Variants in AMMECR1 observed in about 807,000 individuals in gnomAD.
The protein encoded by AMMECR1 is nuclear protein AMMECR1.
A neutral mutation model predicts 22.5 loss-of-function variants in AMMECR1; 3 were observed. The observed-to-expected ratio is 0.13, with a 90% CI of 0.06 to 0.35. The LOEUF is 0.35. AMMECR1 is among the 10% of genes least tolerant of loss of function. The probability of loss-of-function intolerance (pLI) is 1.00; values close to 1 mark genes in which losing one functional copy is unlikely to be tolerated. For missense variants in AMMECR1, 235 were observed against 278.7 expected, an observed-to-expected ratio of 0.84 and a Z score of 1.12; for synonymous variants, 130 against 116.7, an observed-to-expected ratio of 1.11 and a Z score of -0.74.
At position 110,317,627 on chromosome X, in the gene AMMECR1, G is replaced by C; in HGVS notation, c.445C>G (p.Arg149Gly). Residue 149 changes from arginine (R) to glycine (G), a missense_variant, in exon 1 of 6, where the codon CGG becomes GGG. By Grantham distance (125) the Arg-to-Gly change is moderately radical (BLOSUM62 -2). This residue lies in a region of AMMECR1 where 111 missense variants were observed against 181.7 expected (regional missense o/e 0.61). Transcript: ENST00000262844. ...GGCTCGTTGGTGAATCGGGGGGTCC[G>C]GGGCTGCTGGTATCCATACAGGTGA... ...YCHLYGYQQP[R>G]TPRFTNEPYP... 1 of 1,198,092 alleles carries C rather than the reference G, an allele frequency of 8.3e-7. No individual in the cohort carries two copies. Among genetic ancestry groups the C allele is most frequent in the Non-Finnish European group, 1.1e-6 (1 of 887,780 alleles).
At chrX:110,252,353 C>A (rs1259836685) in intron 2 of AMMECR1, among the ~76,000 whole-genome samples, 1 of 111,101 alleles carries the variant, frequency 9.0e-6, no homozygotes, top group Non-Finnish European at 1.9e-5. Flanking sequence ...GAAGCAGAGG[C>A]TGGAGGATTG....
intron 2 of AMMECR1, among the ~76,000 whole-genome samples, chrX:110,218,310 A>ATTT (rs2067484319): frequency 9.0e-6 from 1 of 111,702 alleles, no homozygotes; most frequent in Non-Finnish European, 1.9e-5. Context: ...AGAGTAAAAG[A>ATTT]CACATCATTC....
rs2067363738 is a variant in AMMECR1, at chrX:110,195,100, A to C, written c.*3420T>G. The C allele has an allele frequency of 8.9e-6, 1 of 112,320 alleles. No individual in the cohort carries two copies. Among genetic ancestry groups the C allele is most frequent in the African/African-American group, 3.2e-5 (1 of 30,899 alleles). The allele number at this position is 112,320 out of a possible 1,213,427, so 9.3% of individuals were successfully genotyped here. A position where few individuals can be genotyped will look rare whatever the true frequency, so the allele number is the denominator to read the frequency against. On this transcript the variant is annotated 3_prime_UTR_variant, in exon 6 of 6. Transcript: ENST00000262844. ...GCTGGGGGCTTCTTTGGTTTGATCT[A>C]ACACACATAAGAGATGGAACCTATT...
chrX:110,262,081 G>A lies in AMMECR1; in HGVS notation c.584+2408C>T, dbSNP rs917740990. ...AAAAATAATCATAATAACATAATACGTAAAAATGATAAGCACACTACTGAA... is the reference window on the plus strand; with the variant it reads ...AAAAATAATCATAATAACATAATACATAAAAATGATAAGCACACTACTGAA... On this transcript the variant is annotated intron_variant, in intron 2 of 5. Coordinates refer to ENST00000262844, the MANE Select transcript of AMMECR1 (RefSeq NM_015365.3). Among the ~76,000 whole-genome samples, 23 of 111,564 alleles carry A rather than the reference G, an allele frequency of 2.1e-4. 1 individual carries two copies. Among genetic ancestry groups the A allele is most frequent in the Admixed American group, 8.5e-4 (9 of 10,550 alleles).
chrX:110,404,907 A>G (rs1300381325), intron 2 of AMMECR1, among the ~76,000 whole-genome samples: 2 of 111,970 alleles, frequency 1.8e-5, no homozygotes, highest in Admixed American at 9.5e-5. Context: ...GAAAATACAC[A>G]TAGTAGCATT....
chrX:110,437,221 G>T (rs187794996), intron 1 of AMMECR1, among the ~76,000 whole-genome samples: 1 of 111,993 alleles, frequency 8.9e-6, no homozygotes, highest in African/African-American at 3.2e-5. Flanking sequence ...CCTGACCCCT[G>T]CAGTTGTGAG....
intron 2 of AMMECR1, among the ~76,000 whole-genome samples, chrX:110,329,209 T>C (rs2068110876): frequency 8.9e-6 from 1 of 112,646 alleles, no homozygotes; most frequent in East Asian, 2.8e-4. Flanking sequence ...ATTTCTCTAA[T>C]GGTCAGTGAT....
intron 2 of AMMECR1, among the ~76,000 whole-genome samples, chrX:110,250,944 T>A (rs1464425941): frequency 1.8e-5 from 2 of 112,298 alleles, no homozygotes; most frequent in African/African-American, 3.2e-5. Flanking sequence ...GTGTTCTGTA[T>A]AAAGATCCCT....
intron 2 of AMMECR1, among the ~76,000 whole-genome samples, chrX:110,235,851 A>T (rs1199978131): frequency 9.0e-6 from 1 of 111,593 alleles, no homozygotes; most frequent in East Asian, 2.8e-4. Flanking sequence ...ATTACGAGAA[A>T]TACCTAATGC....
rs1300912927 is a variant in AMMECR1, at chrX:110,317,912, T to G, written c.160A>C (p.Asn54His). 8.4e-7 allele frequency: 1 copy of G among 1,194,718 alleles called. No individual in the cohort carries two copies. The highest frequency in any genetic ancestry group is 1.8e-5 in the African/African-American group (1 of 56,511). Residue 54 changes from asparagine (N) to histidine (H), a missense_variant, in exon 1 of 6, where the codon AAC (asparagine) becomes CAC (histidine). Coordinates refer to ENST00000262844, the MANE Select transcript of AMMECR1 (RefSeq NM_015365.3). ...LGLGGAGTRL[N>H]GLGGLTGGGS... ...CCTCCGGTTAGACCTCCCAGCCCGT[T>G]GAGCCGCGTACCGGCGCCTCCTAGT...
intron 1 of AMMECR1, among the ~76,000 whole-genome samples, chrX:110,427,679 C>T (rs1053682433): frequency 8.9e-6 from 1 of 112,314 alleles, no homozygotes; most frequent in African/African-American, 3.2e-5. Context: ...ACAGTCAAGG[C>T]TGAGAACTAC....
intron 1 of AMMECR1, among the ~76,000 whole-genome samples, chrX:110,429,405 G>A (rs1299780375): frequency 9.1e-6 from 1 of 109,828 alleles, no homozygotes; most frequent in Non-Finnish European, 1.9e-5. Context: ...CATTGAAGGA[G>A]TCACCTCACT....
At chrX:110,243,426 A>G (rs2067643402) in intron 2 of AMMECR1, among the ~76,000 whole-genome samples, 1 of 112,444 alleles carries the variant, frequency 8.9e-6, no homozygotes, top group Admixed American at 9.4e-5. Flanking sequence ...AAATTCCCCA[A>G]AGGAGAAAAG....
At chrX:110,382,004 A>G (rs1312354352) in intron 2 of AMMECR1, among the ~76,000 whole-genome samples, 1 of 111,200 alleles carries the variant, frequency 9.0e-6, no homozygotes, top group Non-Finnish European at 1.9e-5. Flanking sequence ...CTGAATCTAA[A>G]ATAAAAATTA....
intron 1 of AMMECR1, 36 bp from the exon 2 acceptor site, chrX:110,264,635 A>G (rs777483141): frequency 9.7e-7 from 1 of 1,032,082 alleles, no homozygotes; most frequent in Admixed American, 2.3e-5. Context: ...AAATAAATCA[A>G]TTCAATTCAA....
chrX:110,396,326 A>G (rs1230623756), intron 2 of AMMECR1, among the ~76,000 whole-genome samples: 2 of 112,123 alleles, frequency 1.8e-5, no homozygotes, highest in East Asian at 5.6e-4. Flanking sequence ...ATGATTTTCC[A>G]TGTTAGCTTT....
rs923672347 is a variant in AMMECR1 at position 110,308,985 on chromosome X, C to T, written c.473+8614G>A. Among the ~76,000 whole-genome samples, 11 of 111,811 alleles carry T rather than the reference C, an allele frequency of 9.8e-5. No individual in the cohort carries two copies. The Admixed American group carries it at 1.0e-3, about 11-fold the overall frequency. On this transcript the variant is annotated intron_variant, in intron 1 of 5. Transcript: ENST00000262844. ...TCAATCTAAACACTTCACTTTTGTT[C>T]AAAATCAGCACAAAGTGTTTGCCTT...
At chrX:110,439,127 G>A (rs2068860756) in intron 1 of AMMECR1, among the ~76,000 whole-genome samples, 2 of 111,834 alleles carry the variant, frequency 1.8e-5, no homozygotes, top group Admixed American at 1.9e-4. Context: ...GGGGACTTCA[G>A]CAGTCCCCGA....
At position 110,262,903 on chromosome X, in the gene AMMECR1, T is replaced by C. The variant is rs747615243; in HGVS notation, c.584+1586A>G. Among the ~76,000 whole-genome samples the C allele has an allele frequency of 1.2e-3, 135 of 111,915 alleles. 2 individuals carry two copies. Among genetic ancestry groups the C allele is most frequent in the African/African-American group, 4.3e-3 (133 of 30,928 alleles). On this transcript the variant is annotated intron_variant, in intron 2 of 5. Coordinates refer to ENST00000262844, the MANE Select transcript of AMMECR1 (RefSeq NM_015365.3). Reference sequence around the variant, plus strand: ...GTAGTCAAATAAGCCTGGAAAATGCTACATTCTATTTCTCTCTCTTAGATA... The same window carrying C: ...GTAGTCAAATAAGCCTGGAAAATGCCACATTCTATTTCTCTCTCTTAGATA...
Sources: gnomAD v4.1 joint callset for allele counts (sites outside exome capture counted in the v4.1 genomes callset) on GRCh38, gnomAD v4.1.1 for gene constraint, gnomAD v4.1.1 regional missense constraint, MANE v1.5 for transcripts, NCBI Gene and HGNC (gene_info 2026-07-23, HGNC 2026-07-21) for gene names.